ALPK2: variants seen among roughly 807,000 people sequenced by gnomAD.
ALPK2 encodes the protein alpha-protein kinase 2.
Under a neutral mutation model 163.1 loss-of-function variants are expected in ALPK2, and 127 were observed. The observed-to-expected ratio is 0.78, with a 90% CI of 0.67 to 0.90. ALPK2 has a LOEUF of 0.90. ALPK2 is among the 40% of genes least tolerant of loss of function. The pLI, the probability that ALPK2 is intolerant of heterozygous loss-of-function variation, is 0.00. For synonymous variants in ALPK2, 953 were observed against 959.1 expected, an observed-to-expected ratio of 0.99 and a Z score of 0.12; for missense variants, 2,360 against 2,589.6, an observed-to-expected ratio of 0.91 and a Z score of 1.92.
chr18:58,500,448 A>G (rs2051425880), intron 11 of ALPK2, among the ~76,000 whole-genome samples: 1 of 152,228 alleles, frequency 6.6e-6, no homozygotes, highest in South Asian at 2.1e-4. Context: ...GACAGAATAT[A>G]ATTTTTAAAA....
chr18:58,574,457 A>G (rs2051908667), intron 4 of ALPK2, among the ~76,000 whole-genome samples: 1 of 150,996 alleles, frequency 6.6e-6, no homozygotes. Context: ...AAAAAAAAAA[A>G]AAAGATTTGG....
chr18:58,482,118 G>C, intron 12 of ALPK2, 79 bp from the exon 13 acceptor site: 1 of 1,013,894 alleles, frequency 9.9e-7, no homozygotes, highest in South Asian at 1.4e-5. Flanking sequence ...ACTTGAAAGG[G>C]AAAACTAATG....
chr18:58,594,320 G>C (rs2052030849), intron 3 of ALPK2, among the ~76,000 whole-genome samples: 1 of 152,142 alleles, frequency 6.6e-6, no homozygotes, highest in Non-Finnish European at 1.5e-5. Context: ...CTACCACCAC[G>C]CTTAGTTAAT....
intron 1 of ALPK2, among the ~76,000 whole-genome samples, chr18:58,623,491 G>A (rs2052213060): frequency 6.6e-6 from 1 of 151,928 alleles, no homozygotes; most frequent in African/African-American, 2.4e-5. Flanking sequence ...TTTTGAGATA[G>A]GGTCTCCCTC....
At chr18:58,586,363 C>T (rs926518127) in intron 3 of ALPK2, among the ~76,000 whole-genome samples, 1 of 152,164 alleles carries the variant, frequency 6.6e-6, no homozygotes, top group Admixed American at 6.5e-5. Flanking sequence ...GTAAATGCAA[C>T]AAGAACACTG....
intron 1 of ALPK2, among the ~76,000 whole-genome samples, chr18:58,627,386 C>A (rs1407881457): frequency 6.6e-6 from 1 of 152,116 alleles, no homozygotes; most frequent in Non-Finnish European, 1.5e-5. Flanking sequence ...TTTGGGAGGC[C>A]GAGGCGGGTG....
intron 2 of ALPK2, 119 bp downstream of exon 2, chr18:58,611,570 G>GA (rs1298945628): frequency 2.0e-3 from 1,729 of 874,048 alleles, no homozygotes; most frequent in Non-Finnish European, 2.4e-3. Flanking sequence ...TGATTACACA[G>GA]AAAAAAAAAC....
At chr18:58,575,708 A>G (rs575134756) in intron 4 of ALPK2, among the ~76,000 whole-genome samples, 19 of 152,296 alleles carry the variant, frequency 1.2e-4, no homozygotes, top group African/African-American at 3.4e-4. Flanking sequence ...AAGATGATTC[A>G]AGTTAGCCTG....
At chr18:58,503,880 C>T in intron 11 of ALPK2, 51 bp downstream of exon 11, 1 of 1,537,714 alleles carries the variant, frequency 6.5e-7, no homozygotes, top group Non-Finnish European at 8.9e-7. Flanking sequence ...CCCACAGGAA[C>T]ATCTCTGGCC....
At position 58,627,840 on chromosome 18, in the gene ALPK2, C is replaced by A. The variant is rs146699123; in HGVS notation, c.-21+924G>T. Among the ~76,000 whole-genome samples, 528 of 152,200 alleles carry A rather than the reference C, an allele frequency of 3.5e-3. 1 individual carries two copies. Among genetic ancestry groups the A allele is most frequent in the African/African-American group, 0.012 (512 of 41,508 alleles). On this transcript the variant is annotated intron_variant, in intron 1 of 12. Coordinates refer to ENST00000361673, the MANE Select transcript of ALPK2 (RefSeq NM_052947.4). The stretch of plus-strand genomic sequence containing the variant: ...ATTCAGAAGCCACACAGCAAAAAAC[C>A]CCTTCAATTTGTCCTTAGTTGATAT...
intron 12 of ALPK2, among the ~76,000 whole-genome samples, chr18:58,491,738 C>T (rs2051375920): frequency 6.6e-6 from 1 of 152,224 alleles, no homozygotes; most frequent in African/African-American, 2.4e-5. Flanking sequence ...TAAACTCTTT[C>T]TCTGTTGCAG....
chr18:58,612,764 A>G (rs1231933074), intron 1 of ALPK2, among the ~76,000 whole-genome samples: 2 of 152,236 alleles, frequency 1.3e-5, no homozygotes, highest in Admixed American at 1.3e-4. Context: ...GGCAGATACA[A>G]GCTGGCTTCA....
chr18:58,607,093 A>G (rs1814543870), intron 3 of ALPK2, among the ~76,000 whole-genome samples: 1 of 152,260 alleles, frequency 6.6e-6, no homozygotes, highest in Non-Finnish European at 1.5e-5. Flanking sequence ...AATTCTAGAT[A>G]AAGTTTAACT....
chr18:58,550,772 T>C (rs1401382620), intron 4 of ALPK2, among the ~76,000 whole-genome samples: 3 of 131,712 alleles, frequency 2.3e-5, no homozygotes, highest in African/African-American at 2.9e-5. Flanking sequence ...ATCTCTATCA[T>C]GTACAACCCC....
chr18:58,554,940 T>C (rs114861606), intron 4 of ALPK2, among the ~76,000 whole-genome samples: 17 of 152,290 alleles, frequency 1.1e-4, no homozygotes, highest in African/African-American at 4.1e-4. Flanking sequence ...AAAGGGGAGT[T>C]CTTTGCACAC....
intron 1 of ALPK2, among the ~76,000 whole-genome samples, chr18:58,613,705 A>T (rs565100587): frequency 2.7e-4 from 23 of 83,640 alleles, no homozygotes; most frequent in African/African-American, 1.0e-3. Flanking sequence ...TCTCAAAAAA[A>T]AAAAATAATA....
At chr18:58,488,451 C>T (rs889057790) in intron 12 of ALPK2, among the ~76,000 whole-genome samples, 12 of 138,018 alleles carry the variant, frequency 8.7e-5, no homozygotes, top group Non-Finnish European at 1.6e-4. Flanking sequence ...CTCTGGGATC[C>T]GCTCACAACC....
At chr18:58,493,811 T>C (rs1447345308) in intron 12 of ALPK2, among the ~76,000 whole-genome samples, 1 of 152,186 alleles carries the variant, frequency 6.6e-6, no homozygotes, top group Non-Finnish European at 1.5e-5. Flanking sequence ...TGGCAGCCAC[T>C]GCGAGGGGTG....
At chr18:58,627,487 G>C (rs2052238129) in intron 1 of ALPK2, among the ~76,000 whole-genome samples, 1 of 152,136 alleles carries the variant, frequency 6.6e-6, no homozygotes, top group African/African-American at 2.4e-5. Context: ...AGCTGGGCAT[G>C]GTGGCAGGCA....
Sources: gnomAD v4.1 joint callset for allele counts (sites outside exome capture counted in the v4.1 genomes callset) on GRCh38, gnomAD v4.1.1 for gene constraint, MANE v1.5 for transcripts, NCBI Gene and HGNC (gene_info 2026-07-23, HGNC 2026-07-21) for gene names.